Variants in CPEB3 observed in about 807,000 individuals in gnomAD.
The protein encoded by CPEB3 is cytoplasmic polyadenylation element binding protein 3, also known as cytoplasmic polyadenylation element-binding protein 3.
CPEB3 carries 20 observed loss-of-function variants against 67.2 expected under a neutral mutation model. That is an observed-to-expected ratio of 0.30 (90% CI 0.21 to 0.43). The LOEUF (loss-of-function observed/expected upper bound fraction) is 0.43, where lower values mean the gene tolerates loss of function less well. Ranked by LOEUF, CPEB3 falls within the 20% of genes least tolerant of loss-of-function variation. The pLI, the probability that CPEB3 is intolerant of heterozygous loss-of-function variation, is 1.00. For synonymous variants in CPEB3, 376 were observed against 393.1 expected (o/e 0.96, Z 0.51); for missense variants, 746 against 968.6 (o/e 0.77, Z 3.05).
At chr10:92,084,471 G>A (rs1040337357) in intron 8 of CPEB3, among the ~76,000 whole-genome samples, 7 of 152,204 alleles carry the variant, frequency 4.6e-5, no homozygotes, top group Non-Finnish European at 7.3e-5. Context: ...AGGGCAATTT[G>A]TTGAGAAGCT....
rs557871438 is a variant in CPEB3 at position 92,254,299 on chromosome 10, G to T, written c.-11-13938C>A. Among the ~76,000 whole-genome samples, 12 of 151,940 alleles carry T rather than the reference G, an allele frequency of 7.9e-5. No individual in the cohort carries two copies. In the South Asian group the frequency reaches 2.1e-3, roughly 26 times the overall value. The stretch of plus-strand genomic sequence containing the variant: ...GTCTAAGAAAAGAAATAATAATTTT[G>T]GTCAATTATTCAATATTCCCTAGGT... On this transcript the variant is annotated intron_variant, in intron 1 of 9. Coordinates refer to ENST00000265997, the MANE Select transcript of CPEB3 (RefSeq NM_014912.5).
At chr10:92,259,823 T>C (rs1043230639) in intron 1 of CPEB3, among the ~76,000 whole-genome samples, 2 of 152,210 alleles carry the variant, frequency 1.3e-5, no homozygotes, top group African/African-American at 4.8e-5. Context: ...TGGCAAATAC[T>C]GTGTGCTTGA....
At chr10:92,222,027 G>A (rs947187907) in intron 2 of CPEB3, among the ~76,000 whole-genome samples, 1 of 151,934 alleles carries the variant, frequency 6.6e-6, no homozygotes, top group African/African-American at 2.4e-5. Flanking sequence ...TTACCCCATC[G>A]AAGACGTTCA....
Position 92,111,062 on chromosome 10 carries a change from C to T in CPEB3, c.1572+14G>A. On this transcript the variant is annotated intron_variant, in intron 7 of 9. Transcript: ENST00000265997. The stretch of plus-strand genomic sequence containing the variant: ...GTGCTCTGGAAAAGCAACAGCTGGC[C>T]ATGTATTACTTACTGGCTTGTCCTT... 9 of 1,538,658 alleles carry T rather than the reference C, an allele frequency of 5.8e-6. No individual in the cohort carries two copies. Among genetic ancestry groups the T allele is most frequent in the Non-Finnish European group, 8.1e-6 (9 of 1,111,180 alleles).
chr10:92,208,921 T>C (rs1474280473), intron 2 of CPEB3, among the ~76,000 whole-genome samples: 1 of 152,154 alleles, frequency 6.6e-6, no homozygotes, highest in African/African-American at 2.4e-5. Flanking sequence ...CCTCCTTTGT[T>C]TGTCCTCCCA....
At chr10:92,104,578 G>T in intron 7 of CPEB3, among the ~76,000 whole-genome samples, 1 of 151,898 alleles carries the variant, frequency 6.6e-6, no homozygotes, top group Non-Finnish European at 1.5e-5. Flanking sequence ...TAGTAGAGAC[G>T]GGGTTTCACC....
chr10:92,205,765 T>C (rs889909112), intron 2 of CPEB3, among the ~76,000 whole-genome samples: 9 of 151,780 alleles, frequency 5.9e-5, no homozygotes, highest in Non-Finnish European at 1.0e-4. Flanking sequence ...TGTGAGCCAC[T>C]GCGCCCAGCC....
intron 6 of CPEB3, among the ~76,000 whole-genome samples, chr10:92,134,745 G>A (rs956026618): frequency 1.3e-5 from 2 of 151,968 alleles, no homozygotes; most frequent in East Asian, 1.9e-4. Flanking sequence ...GAGGCATCAT[G>A]CTACCTGACT....
intron 2 of CPEB3, among the ~76,000 whole-genome samples, chr10:92,193,384 G>T (rs1440974802): frequency 6.6e-6 from 1 of 152,062 alleles, no homozygotes; most frequent in Admixed American, 6.6e-5. Context: ...AATTGGTTTT[G>T]CTCTCTACCC....
At chr10:92,064,123 A>T (rs558742502) in intron 9 of CPEB3, among the ~76,000 whole-genome samples, 1 of 152,218 alleles carries the variant, frequency 6.6e-6, no homozygotes, top group Non-Finnish European at 1.5e-5. Flanking sequence ...GAACAAACCT[A>T]ATCTAAGGAT....
At chr10:92,276,263 CTTTTTTTTCTTTTCTTTTTTTT>C (rs1564927049) in intron 1 of CPEB3, among the ~76,000 whole-genome samples, 1 of 144,964 alleles carries the variant, frequency 6.9e-6, no homozygotes, top group African/African-American at 2.6e-5. Flanking sequence ...AATAATGCTG[CTTTTTTTTCTTTTCTTTTTTTT>C]TTTTTTTTTT....
intron 9 of CPEB3, among the ~76,000 whole-genome samples, chr10:92,057,846 G>C (rs538164500): frequency 1.3e-5 from 2 of 152,196 alleles, no homozygotes; most frequent in Non-Finnish European, 2.9e-5. Flanking sequence ...AGACCATCAA[G>C]GCAGCACGTC....
At chr10:92,172,335 A>G (rs2134026130) in intron 4 of CPEB3, among the ~76,000 whole-genome samples, 1 of 152,262 alleles carries the variant, frequency 6.6e-6, no homozygotes, top group Non-Finnish European at 1.5e-5. Flanking sequence ...ATATAACAAG[A>G]GTGTATGTGT....
At position 92,052,105 on chromosome 10, in the gene CPEB3, G is replaced by C. The variant is rs186236139; in HGVS notation, c.*107C>G. ...AAGACCCAATTCTTCTTTAAAAATC[G>C]AGAACGAATGCACAGATTTCCAGAA... is the stretch of plus-strand genomic sequence containing the variant. On this transcript the variant is annotated 3_prime_UTR_variant, in exon 10 of 10. Transcript: ENST00000265997. 1.5e-6 allele frequency: 1 copy of C among 661,070 alleles called. No homozygotes were observed. Among genetic ancestry groups the C allele is most frequent in the Non-Finnish European group, 2.6e-6 (1 of 380,872 alleles). The allele number at this position is 661,070 out of a possible 1,614,324, so 41.0% of individuals were successfully genotyped here.
chr10:92,076,838 A>G (rs1434376185), intron 9 of CPEB3, among the ~76,000 whole-genome samples: 4 of 72,898 alleles, frequency 5.5e-5, no homozygotes, highest in South Asian at 9.8e-4. Flanking sequence ...GGAGGAGGAA[A>G]GAAAGAGAGA....
intron 3 of CPEB3, among the ~76,000 whole-genome samples, chr10:92,190,730 G>A (rs1367451818): frequency 6.9e-6 from 1 of 145,542 alleles, no homozygotes; most frequent in Non-Finnish European, 1.5e-5. Flanking sequence ...ATAGTAGAGG[G>A]AAGTGCTTCC....
intron 9 of CPEB3, among the ~76,000 whole-genome samples, chr10:92,066,529 T>G (rs1842554460): frequency 6.6e-6 from 1 of 152,326 alleles, no homozygotes; most frequent in East Asian, 1.9e-4. Context: ...CTTAGGCCAT[T>G]TCCTAACATC....
intron 6 of CPEB3, among the ~76,000 whole-genome samples, chr10:92,133,566 A>G (rs555806818): frequency 6.6e-6 from 1 of 152,342 alleles, no homozygotes; most frequent in East Asian, 1.9e-4. Flanking sequence ...ATGGATTCAC[A>G]GCCAAATTCT....
At chr10:92,217,945 C>T (rs1024840173) in intron 2 of CPEB3, among the ~76,000 whole-genome samples, 9 of 151,346 alleles carry the variant, frequency 5.9e-5, no homozygotes, top group African/African-American at 2.2e-4. Context: ...TGGCAAAACC[C>T]CGTTTCTACA....
Sources: gnomAD v4.1 joint callset for allele counts (sites outside exome capture counted in the v4.1 genomes callset) on GRCh38, gnomAD v4.1.1 for gene constraint, MANE v1.5 for transcripts, NCBI Gene and HGNC (gene_info 2026-07-23, HGNC 2026-07-21) for gene names.